The following TPBGL variants were observed in gnomAD, a reference collection of about 807,000 sequenced individuals.
TPBGL encodes trophoblast glycoprotein like.
For synonymous variants in TPBGL, 380 were observed against 314.8 expected, an observed-to-expected ratio of 1.21 and a Z score of -2.19; for missense variants, 685 against 609.4, an observed-to-expected ratio of 1.12 and a Z score of -1.31.
At position 75,241,709 on chromosome 11, in the gene TPBGL, C is replaced by G; in HGVS notation, c.660C>G (p.Arg220=). The change falls in exon 1 of 1, where the codon CGC becomes CGG. Residue 220 remains arginine (R), a synonymous_variant. Transcript: ENST00000562197. ...LDPDELRALE[R]DGGLPGPRLL... Reference sequence around the variant, plus strand: ...CCGACGAGCTGCGCGCGCTGGAGCGCGATGGCGGCCTCCCCGGGCCGCGCC... The same window carrying G: ...CCGACGAGCTGCGCGCGCTGGAGCGGGATGGCGGCCTCCCCGGGCCGCGCC... The G allele has an allele frequency of 7.9e-7, 1 of 1,265,268 alleles. No homozygotes were observed. The highest frequency in any genetic ancestry group is 3.2e-4 in the Middle Eastern group (1 of 3,138). The allele number at this position is 1,265,268 out of a possible 1,614,324, so 78.4% of individuals were successfully genotyped here. A position where few individuals can be genotyped will look rare whatever the true frequency, so the allele number is the denominator to read the frequency against.
In TPBGL at chr11:75,241,415, G is replaced by A. The variant is rs1019670399; in HGVS notation, c.366G>A (p.Ala122=). The A allele has an allele frequency of 1.5e-6, 2 of 1,351,278 alleles. No homozygotes were observed. The highest frequency in any genetic ancestry group is 1.9e-6 in the Non-Finnish European group (2 of 1,052,504). The allele number at this position is 1,351,278 out of a possible 1,614,324, so 83.7% of individuals were successfully genotyped here. Residue 122 remains alanine, a synonymous_variant, in exon 1 of 1, where the codon GCG becomes GCA. Coordinates refer to ENST00000562197, the MANE Select transcript of TPBGL (RefSeq NM_001195528.2). ...TCGACGGGCTGCCCAGCCTGGCGGC[G>A]CTCGACCTCAGCCACAACCCGCTGC... The part of the protein sequence containing the change: ...GAFDGLPSLA[A]LDLSHNPLRA...
Position 75,242,136 on chromosome 11 carries a change from C to G in TPBGL, c.1087C>G (p.Arg363Gly). The change falls in exon 1 of 1, where the codon CGC becomes GGC. Residue 363 changes from arginine (R) to glycine (G), a missense_variant. Physicochemically the swap from Arg to Gly is moderately radical, Grantham distance 125 (BLOSUM62 -2). Coordinates refer to ENST00000562197, the MANE Select transcript of TPBGL (RefSeq NM_001195528.2). Reference protein sequence around the residue: ...YRYEQDADPRRAPAPAAPAGS... With the variant: ...YRYEQDADPRGAPAPAAPAGS... ...CTACGAGCAGGACGCCGACCCGCGC[C>G]GCGCGCCCGCGCCCGCCGCGCCCGC... The G allele has an allele frequency of 8.2e-7, 1 of 1,219,568 alleles. No homozygotes were observed. The highest frequency in any genetic ancestry group is 3.5e-5 in the East Asian group (1 of 28,922). 75.5% of individuals were successfully genotyped at this position (1,219,568 alleles called of 1,614,324 possible).
Position 75,241,756 on chromosome 11 carries a change from T to C in TPBGL, c.707T>C (p.Leu236Pro). 7.7e-7 allele frequency: 1 copy of C among 1,304,690 alleles called. No homozygotes were observed. Among genetic ancestry groups the C allele is most frequent in the Non-Finnish European group, 9.8e-7 (1 of 1,024,386 alleles). 80.8% of individuals were successfully genotyped at this position (1,304,690 alleles called of 1,614,324 possible). The change falls in exon 1 of 1, where the codon CTG becomes CCG. Residue 236 changes from leucine to proline, a missense_variant. By Grantham distance (98) the Leu-to-Pro change is moderately conservative (BLOSUM62 -3). Transcript: ENST00000562197. ...GPRLLLADNP[L>P]RCGCAARPLL... ...CGCCTGCTGCTCGCCGACAACCCCC[T>C]GCGCTGCGGCTGTGCCGCACGCCCC...
Position 75,243,641 on chromosome 11 carries a change from C to T in TPBGL, c.*1443C>T, listed in dbSNP as rs1236619499. On this transcript the variant is annotated 3_prime_UTR_variant, in exon 1 of 1. Coordinates refer to ENST00000562197, the MANE Select transcript of TPBGL (RefSeq NM_001195528.2). Reference sequence around the variant, plus strand: ...TGAGGCCTGCCTGCCCTCCCCATACCCAGAAAATCTGGATCTCCCTTGAGC... The same window carrying T: ...TGAGGCCTGCCTGCCCTCCCCATACTCAGAAAATCTGGATCTCCCTTGAGC... 1 of 152,230 alleles carries T rather than the reference C, an allele frequency of 6.6e-6. No individual in the cohort carries two copies. The highest frequency in any genetic ancestry group is 2.4e-5 in the African/African-American group (1 of 41,434). The allele number at this position is 152,230 out of a possible 1,614,324, so 9.4% of individuals were successfully genotyped here.
chr11:75,243,453 G>A lies in TPBGL; in HGVS notation c.*1255G>A, dbSNP rs1945617194. ...TCAGGCACAAGCCCTCCTGGTTCAG[G>A]GTCAGAAGCTCAGCACCTTGCCTTC... On this transcript the variant is annotated 3_prime_UTR_variant, in exon 1 of 1. Transcript: ENST00000562197. 1 of 152,254 alleles carries A rather than the reference G, an allele frequency of 6.6e-6. No homozygotes were observed. Among genetic ancestry groups the A allele is most frequent in the African/African-American group, 2.4e-5 (1 of 41,408 alleles). The allele number at this position is 152,254 out of a possible 1,614,324, so 9.4% of individuals were successfully genotyped here.
In TPBGL at chr11:75,241,780, C is replaced by A; in HGVS notation, c.731C>A (p.Pro244His). Residue 244 changes from proline (P) to histidine (H), a missense_variant, in exon 1 of 1, where the codon CCC (proline) becomes CAC (histidine). Transcript: ENST00000562197. ...CTGCGCTGCGGCTGTGCCGCACGCC[C>A]CCTGCTGGCCTGGCTGCGCAACGCC... Reference protein sequence around the residue: ...NPLRCGCAARPLLAWLRNATE... With the variant: ...NPLRCGCAARHLLAWLRNATE... 1 of 1,311,768 alleles carries A rather than the reference C, an allele frequency of 7.6e-7. No homozygotes were observed. Among genetic ancestry groups the A allele is most frequent in the Non-Finnish European group, 9.7e-7 (1 of 1,029,018 alleles). 81.3% of individuals were successfully genotyped at this position (1,311,768 alleles called of 1,614,324 possible). A position where few individuals can be genotyped will look rare whatever the true frequency, so the allele number is the denominator to read the frequency against.
chr11:75,242,433 C>A lies in TPBGL; in HGVS notation c.*235C>A, dbSNP rs1945609096. ...CCTCCCTCCTGAACCACTGAAAGTCCGTTCCCCGTCTCGGAGCTCACACAG... is the reference window on the plus strand; with the variant it reads ...CCTCCCTCCTGAACCACTGAAAGTCAGTTCCCCGTCTCGGAGCTCACACAG... On this transcript the variant is annotated 3_prime_UTR_variant, in exon 1 of 1. Coordinates refer to ENST00000562197, the MANE Select transcript of TPBGL (RefSeq NM_001195528.2). The A allele has an allele frequency of 6.8e-6, 2 of 295,252 alleles. No homozygotes were observed. Among genetic ancestry groups the A allele is most frequent in the South Asian group, 1.4e-4 (1 of 7,406 alleles). 18.3% of individuals were successfully genotyped at this position (295,252 alleles called of 1,614,324 possible).
chr11:75,241,523 CG>C lies in TPBGL; in HGVS notation c.475del (p.Ala159ArgfsTer21). On this transcript the variant is annotated frameshift_variant, in exon 1 of 1. Transcript: ENST00000562197. LOFTEE classifies it low-confidence loss of function (END_TRUNC). ...LNHALVRGGP[A>X]LLAALDAALA... is the part of the protein sequence containing the mutation. ...ACCACGCGCTGGTGCGCGGCGGCCC[CG>C]CGCTGCTGGCCGCGCTGGACGCTGC... is the stretch of plus-strand genomic sequence containing the variant. 8.2e-7 allele frequency: 1 copy of C among 1,215,764 alleles called. No homozygotes were observed. The highest frequency in any genetic ancestry group is 2.9e-5 in the South Asian group (1 of 34,542). 75.3% of individuals were successfully genotyped at this position (1,215,764 alleles called of 1,614,324 possible). A position where few individuals can be genotyped will look rare whatever the true frequency, so the allele number is the denominator to read the frequency against.
chr11:75,241,681 A>C lies in TPBGL; in HGVS notation c.632A>C (p.Asp211Ala). The C allele has an allele frequency of 7.8e-7, 1 of 1,285,318 alleles. No individual in the cohort carries two copies. Among genetic ancestry groups the C allele is most frequent in the Non-Finnish European group, 9.9e-7 (1 of 1,013,666 alleles). The allele number at this position is 1,285,318 out of a possible 1,614,324, so 79.6% of individuals were successfully genotyped here. A position where few individuals can be genotyped will look rare whatever the true frequency, so the allele number is the denominator to read the frequency against. ...DVRLNALAGL[D>A]PDELRALERD... ...CGCCTCAACGCGCTGGCCGGCCTGG[A>C]CCCCGACGAGCTGCGCGCGCTGGAG... Residue 211 changes from aspartate to alanine, a missense_variant, in exon 1 of 1, where the codon GAC becomes GCC. Transcript: ENST00000562197.
In TPBGL at chr11:75,242,286, C is replaced by G; in HGVS notation, c.*88C>G. ...CGAGCCCCGAGCTCTGAGACCTTCC[C>G]CTGACTCGGAGGCGCTAAGCCGTAC... On this transcript the variant is annotated 3_prime_UTR_variant, in exon 1 of 1. Coordinates refer to ENST00000562197, the MANE Select transcript of TPBGL (RefSeq NM_001195528.2). 9.5e-7 allele frequency: 1 copy of G among 1,051,012 alleles called. No individual in the cohort carries two copies. The highest frequency in any genetic ancestry group is 1.1e-6 in the Non-Finnish European group (1 of 873,878). 65.1% of individuals were successfully genotyped at this position (1,051,012 alleles called of 1,614,324 possible).
rs1173852812 is a variant in TPBGL at position 75,242,062 on chromosome 11, G to A, written c.1013G>A (p.Arg338His). Residue 338 changes from arginine to histidine, a missense_variant, in exon 1 of 1, where the codon CGC becomes CAC. Coordinates refer to ENST00000562197, the MANE Select transcript of TPBGL (RefSeq NM_001195528.2). ...LNRRGIQRWM[R>H]NLREACRDQM... ...CGCCGCGGCATCCAGCGCTGGATGCGCAACCTGCGCGAGGCGTGCCGGGAC... is the reference window on the plus strand; with the variant it reads ...CGCCGCGGCATCCAGCGCTGGATGCACAACCTGCGCGAGGCGTGCCGGGAC... The A allele has an allele frequency of 5.5e-6, 8 of 1,446,276 alleles. No individual in the cohort carries two copies. The East Asian group carries it at 1.2e-4, about 22-fold the overall frequency. 89.6% of individuals were successfully genotyped at this position (1,446,276 alleles called of 1,614,324 possible).
At position 75,242,023 on chromosome 11, in the gene TPBGL, TG is replaced by T; in HGVS notation, c.975del (p.Leu326SerfsTer3). The T allele has an allele frequency of 6.8e-7, 1 of 1,471,900 alleles. No individual in the cohort carries two copies. The highest frequency in any genetic ancestry group is 9.0e-7 in the Non-Finnish European group (1 of 1,112,566). The allele number at this position is 1,471,900 out of a possible 1,614,324, so 91.2% of individuals were successfully genotyped here. A position where few individuals can be genotyped will look rare whatever the true frequency, so the allele number is the denominator to read the frequency against. ...LALIGLIFLM[V>X]LYLNRRGIQR... ...CTCATCGGCCTCATCTTCCTCATGG[TG>T]CTCTACCTAAACCGCCGCGGCATCC... is the stretch of plus-strand genomic sequence containing the variant. On this transcript the variant is annotated frameshift_variant, in exon 1 of 1. Coordinates refer to ENST00000562197, the MANE Select transcript of TPBGL (RefSeq NM_001195528.2). LOFTEE classifies it low-confidence loss of function (END_TRUNC).
chr11:75,241,075 G>A lies in TPBGL; in HGVS notation c.26G>A (p.Gly9Glu). Residue 9 changes from glycine to glutamate, a missense_variant, in exon 1 of 1, where the codon GGG (glycine) becomes GAG (glutamate). Coordinates refer to ENST00000562197, the MANE Select transcript of TPBGL (RefSeq NM_001195528.2). ...ATGGCCCCGCGCGCGGGACAGCCGGGGCTCCAGGGGCTGCTGCTCGTGGCG... is the reference window on the plus strand; with the variant it reads ...ATGGCCCCGCGCGCGGGACAGCCGGAGCTCCAGGGGCTGCTGCTCGTGGCG... The part of the protein sequence containing the change: MAPRAGQP[G>E]LQGLLLVAAA... 1 of 1,298,790 alleles carries A rather than the reference G, an allele frequency of 7.7e-7. No individual in the cohort carries two copies. The highest frequency in any genetic ancestry group is 9.7e-7 in the Non-Finnish European group (1 of 1,026,048). The allele number at this position is 1,298,790 out of a possible 1,614,324, so 80.5% of individuals were successfully genotyped here.
Position 75,241,606 on chromosome 11 carries a change from G to A in TPBGL, c.557G>A (p.Arg186His). 1 of 1,314,832 alleles carries A rather than the reference G, an allele frequency of 7.6e-7. No homozygotes were observed. The highest frequency in any genetic ancestry group is 9.8e-7 in the Non-Finnish European group (1 of 1,024,184). The allele number at this position is 1,314,832 out of a possible 1,614,324, so 81.4% of individuals were successfully genotyped here. A position where few individuals can be genotyped will look rare whatever the true frequency, so the allele number is the denominator to read the frequency against. ...GGCCTAGCGGGCAACGCGCTGAGCC[G>A]TCTGCCGCCAGCCGCCCTGCGCCTG... ...LLGLAGNALS[R>H]LPPAALRLAR... The change falls in exon 1 of 1, where the codon CGT becomes CAT. Residue 186 changes from arginine to histidine, a missense_variant. Arg to His is a conservative substitution (Grantham distance 29). Transcript: ENST00000562197.
Position 75,241,443 on chromosome 11 carries a change from G to A in TPBGL, c.394G>A (p.Ala132Thr), listed in dbSNP as rs1227190386. The A allele has an allele frequency of 1.0e-5, 13 of 1,285,804 alleles. No individual in the cohort carries two copies. The highest frequency in any genetic ancestry group is 2.2e-5 in the South Asian group (1 of 44,568). 79.6% of individuals were successfully genotyped at this position (1,285,804 alleles called of 1,614,324 possible). ...CGACCTCAGCCACAACCCGCTGCGC[G>A]CCCTGGGCGGCGGCGCCTTCCGCGG... The part of the protein sequence containing the change: ...ALDLSHNPLR[A>T]LGGGAFRGLP... The change falls in exon 1 of 1, where the codon GCC (alanine) becomes ACC (threonine). Residue 132 changes from alanine (A) to threonine (T), a missense_variant. Coordinates refer to ENST00000562197, the MANE Select transcript of TPBGL (RefSeq NM_001195528.2).
Position 75,242,405 on chromosome 11 carries a change from A to C in TPBGL, c.*207A>C. 2.0e-6 allele frequency: 1 copy of C among 499,678 alleles called. No individual in the cohort carries two copies. Among genetic ancestry groups the C allele is most frequent in the African/African-American group, 2.1e-5 (1 of 48,048 alleles). The allele number at this position is 499,678 out of a possible 1,614,324, so 31.0% of individuals were successfully genotyped here. A position where few individuals can be genotyped will look rare whatever the true frequency, so the allele number is the denominator to read the frequency against. On this transcript the variant is annotated 3_prime_UTR_variant, in exon 1 of 1. Coordinates refer to ENST00000562197, the MANE Select transcript of TPBGL (RefSeq NM_001195528.2). ...CCCCGCCTGCCCACCCTAGTTTCCG[A>C]AACCTCCCTCCTGAACCACTGAAAG...
At position 75,241,305 on chromosome 11, in the gene TPBGL, G is replaced by C; in HGVS notation, c.256G>C (p.Asp86His). The change falls in exon 1 of 1, where the codon GAC (aspartate) becomes CAC (histidine). Residue 86 changes from aspartate (D) to histidine (H), a missense_variant. Transcript: ENST00000562197. ...AAFAGGDGDG[D>H]QAAGVRLPLL... Reference sequence around the variant, plus strand: ...CTTCGCCGGCGGGGACGGGGACGGCGACCAGGCGGCGGGCGTGCGCCTGCC... The same window carrying C: ...CTTCGCCGGCGGGGACGGGGACGGCCACCAGGCGGCGGGCGTGCGCCTGCC... 7.4e-7 allele frequency: 1 copy of C among 1,345,978 alleles called. No homozygotes were observed. Among genetic ancestry groups the C allele is most frequent in the Non-Finnish European group, 9.5e-7 (1 of 1,055,438 alleles). 83.4% of individuals were successfully genotyped at this position (1,345,978 alleles called of 1,614,324 possible).
In TPBGL at chr11:75,243,026, C is replaced by T. The variant is rs1945613587; in HGVS notation, c.*828C>T. The stretch of plus-strand genomic sequence containing the variant: ...CCAAGCCTTTGGCTCTTGACCCCCC[C>T]CCCATACCCAATGCTGGCACTCAGC... On this transcript the variant is annotated 3_prime_UTR_variant, in exon 1 of 1. Coordinates refer to ENST00000562197, the MANE Select transcript of TPBGL (RefSeq NM_001195528.2). The T allele has an allele frequency of 6.6e-6, 1 of 152,174 alleles. No homozygotes were observed. The highest frequency in any genetic ancestry group is 2.4e-5 in the African/African-American group (1 of 41,382). 9.4% of individuals were successfully genotyped at this position (152,174 alleles called of 1,614,324 possible). A position where few individuals can be genotyped will look rare whatever the true frequency, so the allele number is the denominator to read the frequency against.
Position 75,242,190 on chromosome 11 carries a change from G to A in TPBGL, c.1141G>A (p.Gly381Arg). ...CTCCCGCGCCACCTCCCCGGGCTCG[G>A]GGCTCTGAGCGGCGCCCCCGGGCTC... ...AGSRATSPGS[G>R]L Residue 381 changes from glycine to arginine, a missense_variant, in exon 1 of 1, where the codon GGG becomes AGG. Coordinates refer to ENST00000562197, the MANE Select transcript of TPBGL (RefSeq NM_001195528.2). 2 of 1,139,042 alleles carry A rather than the reference G, an allele frequency of 1.8e-6. No individual in the cohort carries two copies. The highest frequency in any genetic ancestry group is 4.9e-5 in the Admixed American group (1 of 20,480). 70.6% of individuals were successfully genotyped at this position (1,139,042 alleles called of 1,614,324 possible).
Sources: gnomAD v4.1 joint callset for allele counts on GRCh38, gnomAD v4.1.1 for gene constraint, MANE v1.5 for transcripts, NCBI Gene and HGNC (gene_info 2026-07-23, HGNC 2026-07-21) for gene names.